Variants in MTUS2 observed in about 807,000 individuals in gnomAD.
The protein encoded by MTUS2 is microtubule associated scaffold protein 2.
Under a neutral mutation model 114.1 loss-of-function variants are expected in MTUS2, and 40 were observed. That is an observed-to-expected ratio of 0.35 (90% confidence interval 0.27 to 0.46). The LOEUF is 0.46. Among genes scored for constraint, MTUS2 ranks in the 20% least tolerant of loss-of-function variants. MTUS2 has a pLI of 1.00. For missense variants in MTUS2, 1,679 were observed against 1,705.4 expected (o/e 0.98, Z 0.27); for synonymous variants, 688 against 672.0 (o/e 1.02, Z -0.37).
At chr13:29,058,563 ATGCT>A (rs1172811269) in intron 4 of MTUS2, among the ~76,000 whole-genome samples, 6 of 29,248 alleles carry the variant, frequency 2.1e-4, no homozygotes, top group Admixed American at 6.0e-4. Flanking sequence ...AGCCAGGTTG[ATGCT>A]TTTTTTTTTT....
intron 8 of MTUS2, chr13:29,428,717 G>A: frequency 6.6e-7 from 1 of 1,521,650 alleles, no homozygotes. Flanking sequence ...GTAGCCAAGG[G>A]AACCACATGG....
intron 2 of MTUS2, among the ~76,000 whole-genome samples, chr13:28,843,868 C>T (rs1162352528): frequency 6.6e-6 from 1 of 152,250 alleles, no homozygotes; most frequent in East Asian, 1.9e-4. Flanking sequence ...AGTAGGCAAA[C>T]GAAATGGCTT....
At chr13:29,072,491 A>G (rs1740710585) in intron 4 of MTUS2, among the ~76,000 whole-genome samples, 1 of 152,192 alleles carries the variant, frequency 6.6e-6, no homozygotes, top group African/African-American at 2.4e-5. Context: ...TTGTAAAAAC[A>G]TTATGAAAAT....
chr13:29,144,294 C>T (rs1349221765), intron 5 of MTUS2, among the ~76,000 whole-genome samples: 1 of 152,024 alleles, frequency 6.6e-6, no homozygotes, highest in Non-Finnish European at 1.5e-5. Context: ...TTTCTCTGTT[C>T]AGGGTCTCAG....
chr13:28,907,847 G>T (rs1880145620), intron 2 of MTUS2, among the ~76,000 whole-genome samples: 1 of 151,484 alleles, frequency 6.6e-6, no homozygotes, highest in Non-Finnish European at 1.5e-5. Context: ...AGATAATCGA[G>T]ACAGAAAGTT....
intron 4 of MTUS2, among the ~76,000 whole-genome samples, chr13:29,056,889 C>G (rs975319407): frequency 1.1e-4 from 17 of 151,862 alleles, no homozygotes; most frequent in Non-Finnish European, 2.5e-4. Flanking sequence ...TGTAGTTCCT[C>G]TAGGTGTGAT....
intron 4 of MTUS2, among the ~76,000 whole-genome samples, chr13:29,079,221 G>C (rs892160114): frequency 2.0e-5 from 3 of 152,100 alleles, no homozygotes; most frequent in Non-Finnish European, 4.4e-5. Flanking sequence ...AGTTGTACAT[G>C]TTCTTGGGGG....
intron 5 of MTUS2, among the ~76,000 whole-genome samples, chr13:29,279,200 G>A (rs1345825946): frequency 9.2e-5 from 14 of 152,128 alleles, no homozygotes. Flanking sequence ...CAAGAGAGGT[G>A]GTAGGTAGAG....
chr13:29,069,825 G>A (rs1888830533), intron 4 of MTUS2, among the ~76,000 whole-genome samples: 1 of 152,160 alleles, frequency 6.6e-6, no homozygotes. Flanking sequence ...GTAAAGATGA[G>A]GATGAATAAT....
At position 29,244,608 on chromosome 13, in the gene MTUS2, C is replaced by G. The variant is rs541910829; in HGVS notation, c.2645-37096C>G. ...TATTGGAAGTTAGGCTAATATGGAT[C>G]AGCTCCAAGGTGCAGTGCTTGACTG... On this transcript the variant is annotated intron_variant, in intron 5 of 15. Coordinates refer to ENST00000612955, the MANE Select transcript of MTUS2 (RefSeq NM_001033602.4). Among the ~76,000 whole-genome samples, 8 of 152,244 alleles carry G rather than the reference C, an allele frequency of 5.3e-5. No individual in the cohort carries two copies. The South Asian group carries it at 1.7e-3, about 32-fold the overall frequency.
chr13:29,369,703 T>C (rs1203883712), intron 8 of MTUS2, among the ~76,000 whole-genome samples: 1 of 152,164 alleles, frequency 6.6e-6, no homozygotes, highest in African/African-American at 2.4e-5. Flanking sequence ...ACTTCTGCCC[T>C]CCCAGGAGAA....
intron 11 of MTUS2, among the ~76,000 whole-genome samples, chr13:29,488,437 C>CTTTTT (rs35983023): frequency 8.8e-6 from 1 of 113,786 alleles, no homozygotes; most frequent in Non-Finnish European, 1.7e-5. Context: ...TTTTTTTCCT[C>CTTTTT]TTTTTTTTTT....
At chr13:29,318,729 C>G (rs1900127118) in intron 6 of MTUS2, among the ~76,000 whole-genome samples, 1 of 152,174 alleles carries the variant, frequency 6.6e-6, no homozygotes, top group African/African-American at 2.4e-5. Flanking sequence ...CCACTGATAG[C>G]ATTGTGGAAG....
At chr13:29,203,900 G>A (rs1895070039) in intron 5 of MTUS2, among the ~76,000 whole-genome samples, 2 of 152,074 alleles carry the variant, frequency 1.3e-5, no homozygotes, top group South Asian at 4.2e-4. Context: ...ACCTAAGTTG[G>A]AAATGGCAGA....
chr13:29,092,030 C>T (rs1436112096), intron 4 of MTUS2, among the ~76,000 whole-genome samples: 1 of 152,168 alleles, frequency 6.6e-6, no homozygotes, highest in Non-Finnish European at 1.5e-5. Flanking sequence ...GTAAGATGAA[C>T]CTCAGCCAAA....
chr13:29,499,096 G>T (rs941845336), intron 14 of MTUS2, among the ~76,000 whole-genome samples: 6 of 152,204 alleles, frequency 3.9e-5, no homozygotes, highest in African/African-American at 1.4e-4. Context: ...CCCCTCCCCA[G>T]TTCTCTGCCT....
intron 2 of MTUS2, among the ~76,000 whole-genome samples, chr13:28,968,147 A>T (rs1204991437): frequency 6.6e-6 from 1 of 152,134 alleles, no homozygotes; most frequent in African/African-American, 2.4e-5. Context: ...TGATTTTTTG[A>T]GGTATCATTG....
rs866392124 is a variant in MTUS2 at position 29,490,985 on chromosome 13, A to G, written c.3506-1661A>G. On this transcript the variant is annotated intron_variant, in intron 11 of 15. Coordinates refer to ENST00000612955, the MANE Select transcript of MTUS2 (RefSeq NM_001033602.4). ...GGTATAGCTGAATGTAGAAGTGTGG[A>G]TGTGTGTGTGTGTGTGTGTGTGGTG... is the stretch of plus-strand genomic sequence containing the variant. Among the ~76,000 whole-genome samples, 13 of 148,354 alleles carry G rather than the reference A, an allele frequency of 8.8e-5. No homozygotes were observed. In the East Asian group the frequency reaches 9.9e-4, roughly 11 times the overall value.
intron 4 of MTUS2, among the ~76,000 whole-genome samples, chr13:29,061,806 T>G (rs2138649472): frequency 6.6e-6 from 1 of 152,356 alleles, no homozygotes; most frequent in African/African-American, 2.4e-5. Context: ...GTTTGTTTTT[T>G]AACTGTTTAT....
Sources: allele counts gnomAD v4.1 joint callset (sites outside exome capture counted in the v4.1 genomes callset), GRCh38; gene constraint gnomAD v4.1.1; transcripts MANE v1.5; gene names NCBI Gene and HGNC (gene_info 2026-07-23, HGNC 2026-07-21).